Variants in DLAT observed in about 807,000 individuals in gnomAD.
The protein encoded by DLAT is dihydrolipoyllysine-residue acetyltransferase component of pyruvate dehydrogenase complex, mitochondrial.
DLAT carries 43 observed loss-of-function variants against 68.0 expected under a neutral mutation model. The ratio of observed to expected loss-of-function variants is 0.63; its 90% CI spans 0.50 to 0.81. The LOEUF (loss-of-function observed/expected upper bound fraction) is 0.81, where lower values mean the gene tolerates loss of function less well. DLAT is among the 40% of genes least tolerant of loss of function. The pLI is 0.00. For synonymous variants in DLAT, 265 were observed against 288.6 expected (o/e 0.92, Z 0.83); for missense variants, 745 against 815.4 (o/e 0.91, Z 1.05).
intron 12 of DLAT, 43 bp downstream of exon 12, chr11:112,060,108 G>T: frequency 6.5e-7 from 1 of 1,541,000 alleles, no homozygotes. Flanking sequence ...TATTTTTAAG[G>T]TTTGCATAAT....
Position 112,037,227 on chromosome 11 carries a change from T to C in DLAT, c.788-46T>C, listed in dbSNP as rs782386721. Reference sequence around the variant, plus strand: ...AAACTGTGCTGTGAGTTTGGAGGGATAGTGGAATCTCTTAAGTCCCATAAT... The same window carrying C: ...AAACTGTGCTGTGAGTTTGGAGGGACAGTGGAATCTCTTAAGTCCCATAAT... On this transcript the variant is annotated intron_variant, in intron 5 of 13. Transcript: ENST00000280346. The C allele has an allele frequency of 8.4e-6, 13 of 1,548,042 alleles. No homozygotes were observed. In the Admixed American group the frequency reaches 1.2e-4, roughly 14 times the overall value.
intron 4 of DLAT, chr11:112,032,641 T>G (rs1862475533): frequency 6.6e-6 from 1 of 152,270 alleles, no homozygotes; most frequent in Non-Finnish European, 1.5e-5. Flanking sequence ...GAAAGATATC[T>G]GGTAAGGTTG....
At chr11:112,046,542 T>C (rs1393465353) in intron 10 of DLAT, among the ~76,000 whole-genome samples, 1 of 152,068 alleles carries the variant, frequency 6.6e-6, no homozygotes, top group Admixed American at 6.6e-5. Flanking sequence ...GGTATACACG[T>C]GCCATGGTGG....
chr11:112,051,394 G>A lies in DLAT; in HGVS notation c.1514+45G>A, dbSNP rs782691349. The A allele has an allele frequency of 4.3e-6, 6 of 1,403,422 alleles. No homozygotes were observed. Among genetic ancestry groups the A allele is most frequent in the South Asian group, 3.5e-5 (3 of 86,744 alleles). 86.9% of individuals were successfully genotyped at this position (1,403,422 alleles called of 1,614,324 possible). A position where few individuals can be genotyped will look rare whatever the true frequency, so the allele number is the denominator to read the frequency against. ...ATATATATCCATCGGTAGTTTTCTTGTATTATTTAATGTGTGAGTGGAGTT... is the reference window on the plus strand; with the variant it reads ...ATATATATCCATCGGTAGTTTTCTTATATTATTTAATGTGTGAGTGGAGTT... On this transcript the variant is annotated intron_variant, in intron 11 of 13. Transcript: ENST00000280346. This position sits in a 1 kb window ranked among gnomAD's most constrained non-coding sequence, Gnocchi z 4.3.
chr11:112,027,079 C>T (rs1179491615), intron 2 of DLAT, among the ~76,000 whole-genome samples: 3 of 149,988 alleles, frequency 2.0e-5, no homozygotes, highest in Non-Finnish European at 3.0e-5. Flanking sequence ...GGCTGCCGGG[C>T]GGAGACGCTC....
At chr11:112,032,230 C>T (rs1862449191) in intron 4 of DLAT, among the ~76,000 whole-genome samples, 1 of 150,294 alleles carries the variant, frequency 6.7e-6, no homozygotes, top group African/African-American at 2.5e-5. Context: ...CATGCCACTG[C>T]ACTCCAGGCT....
At chr11:112,058,676 C>T (rs1555182850) in intron 11 of DLAT, among the ~76,000 whole-genome samples, 13 of 149,464 alleles carry the variant, frequency 8.7e-5, no homozygotes. Context: ...AGCATTTCTT[C>T]CTTTTATAAA....
chr11:112,033,391 T>C lies in DLAT; in HGVS notation c.661-13T>C. ...TCCTGGTATTAAGCAATAATATGTG[T>C]TTGTTTCTGCAGGTACTTCTTCCTG... On this transcript the variant is annotated splice_polypyrimidine_tract_variant and intron_variant, in intron 4 of 13. Transcript: ENST00000280346. The C allele has an allele frequency of 6.2e-7, 1 of 1,612,722 alleles. No individual in the cohort carries two copies. Among genetic ancestry groups the C allele is most frequent in the Non-Finnish European group, 8.5e-7 (1 of 1,179,238 alleles).
At chr11:112,054,879 C>T (rs986691341) in intron 11 of DLAT, among the ~76,000 whole-genome samples, 5 of 152,176 alleles carry the variant, frequency 3.3e-5, no homozygotes, top group South Asian at 4.1e-4. Flanking sequence ...GATTGCATAA[C>T]TCCAGTCTCT....
chr11:112,053,569 C>T (rs1863796905), intron 11 of DLAT, among the ~76,000 whole-genome samples: 1 of 152,116 alleles, frequency 6.6e-6, no homozygotes, highest in African/African-American at 2.4e-5. Flanking sequence ...TTTCCTACCT[C>T]AGCCTCCTGA....
chr11:112,029,819 TC>T, intron 4 of DLAT: 3 of 573,476 alleles, frequency 5.2e-6, no homozygotes, highest in Non-Finnish European at 1.0e-5. Flanking sequence ...AAGGCCTAAT[TC>T]AGTCTTGGTC....
Position 112,036,201 on chromosome 11 carries a change from G to GTGTGTT in DLAT, c.788-1071_788-1070insGTGTTT, listed in dbSNP as rs1555180455. On this transcript the variant is annotated intron_variant, in intron 5 of 13. Transcript: ENST00000280346. The stretch of plus-strand genomic sequence containing the variant: ...TGTGTGTGTGTGTGTGTGTGTGTGT[G>GTGTGTT]TTTTTTTTTTTTTTTTTTTTTTTTT... Among the ~76,000 whole-genome samples, 45 of 36,484 alleles carry GTGTGTT rather than the reference G, an allele frequency of 1.2e-3. 2 individuals are homozygous for GTGTGTT. The highest frequency in any genetic ancestry group is 1.7e-3 in the Non-Finnish European group (34 of 19,684). The allele number at this position is 36,484 out of a possible 152,430, so 23.9% of individuals were successfully genotyped here. A position where few individuals can be genotyped will look rare whatever the true frequency, so the allele number is the denominator to read the frequency against.
At chr11:112,048,393 A>G (rs781833189) in intron 10 of DLAT, among the ~76,000 whole-genome samples, 3 of 152,206 alleles carry the variant, frequency 2.0e-5, no homozygotes, top group Non-Finnish European at 4.4e-5. Context: ...TTTTCTAACT[A>G]TACAATCATG....
intron 5 of DLAT, among the ~76,000 whole-genome samples, chr11:112,034,731 G>T (rs1338793982): frequency 6.6e-6 from 1 of 150,826 alleles, no homozygotes; most frequent in Admixed American, 6.6e-5. Context: ...CGTGAGCCAT[G>T]GCGATTTGTA....
intron 4 of DLAT, among the ~76,000 whole-genome samples, chr11:112,029,459 G>C (rs587707094): frequency 6.6e-6 from 1 of 152,090 alleles, no homozygotes; most frequent in African/African-American, 2.4e-5. Flanking sequence ...AAAGGGGAAG[G>C]GTGGTGTGTC....
intron 7 of DLAT, among the ~76,000 whole-genome samples, chr11:112,041,267 A>T (rs1424660277): frequency 2.0e-5 from 3 of 152,242 alleles, no homozygotes; most frequent in Admixed American, 6.5e-5. Flanking sequence ...CTGTACAGAG[A>T]AAGCATATCT....
intron 5 of DLAT, 68 bp from the exon 6 acceptor site, chr11:112,037,204 AC>A: frequency 6.9e-7 from 1 of 1,454,630 alleles, no homozygotes; most frequent in Non-Finnish European, 9.6e-7. Context: ...TTTACTTAAA[AC>A]TGTGCTGTGA....
chr11:112,039,502 A>G (rs1303621405), intron 7 of DLAT, 105 bp downstream of exon 7: 7 of 1,172,668 alleles, frequency 6.0e-6, no homozygotes, highest in Non-Finnish European at 8.8e-6. Flanking sequence ...TATAATTGGG[A>G]TAGTAGGGAC....
At chr11:112,032,074 G>A (rs114757171) in intron 4 of DLAT, among the ~76,000 whole-genome samples, 1,778 of 151,322 alleles carry the variant, frequency 0.012, 39 homozygotes, top group African/African-American at 0.041. Flanking sequence ...AGAGGAGGGG[G>A]TTTCGACATG....
Sources: allele counts gnomAD v4.1 joint callset (sites outside exome capture counted in the v4.1 genomes callset), GRCh38; gene constraint gnomAD v4.1.1; non-coding constraint Gnocchi (gnomAD v3.1); transcripts MANE v1.5; gene names NCBI Gene and HGNC (gene_info 2026-07-23, HGNC 2026-07-21).